The following FXYD6 variants were observed in gnomAD, a reference collection of about 807,000 sequenced individuals.
FXYD6 encodes the protein FXYD domain containing ion transport regulator 6.
Under a neutral mutation model 16.7 loss-of-function variants are expected in FXYD6, and 7 were observed. That is an observed-to-expected ratio of 0.42 (90% CI 0.24 to 0.79). The LOEUF is 0.79. Ranked by LOEUF, FXYD6 falls within the 30% of genes least tolerant of loss-of-function variation. The pLI, the probability that FXYD6 is intolerant of heterozygous loss-of-function variation, is 0.28. For missense variants in FXYD6, 111 were observed against 116.2 expected (o/e 0.95, Z 0.21); for synonymous variants, 49 against 43.0 (o/e 1.14, Z -0.54).
chr11:117,839,132 T>G (rs1339363308), intron 7 of FXYD6: 2 of 152,944 alleles, frequency 1.3e-5, no homozygotes, highest in Admixed American at 1.3e-4. Flanking sequence ...ACGGGGCTAT[T>G]CCCTCTCATC....
At chr11:117,847,061 C>T (rs1187070207) in intron 1 of FXYD6, among the ~76,000 whole-genome samples, 1 of 152,176 alleles carries the variant, frequency 6.6e-6, no homozygotes. Context: ...TCCATAAATG[C>T]TTTCATACAG....
chr11:117,861,463 C>T (rs1325370796), intron 1 of FXYD6, among the ~76,000 whole-genome samples: 2 of 152,188 alleles, frequency 1.3e-5, no homozygotes, highest in African/African-American at 4.8e-5. Context: ...CCACCCTTCC[C>T]GAGTCTGGCT....
intron 1 of FXYD6, among the ~76,000 whole-genome samples, chr11:117,858,705 C>CTT: frequency 1.1e-5 from 1 of 94,280 alleles, no homozygotes; most frequent in Non-Finnish European, 2.2e-5. Context: ...CTTTCTTTCT[C>CTT]TCTCTCTCTC....
At chr11:117,866,437 C>T (rs779230437) in intron 1 of FXYD6, among the ~76,000 whole-genome samples, 3 of 152,274 alleles carry the variant, frequency 2.0e-5, no homozygotes, top group East Asian at 3.9e-4. Flanking sequence ...GGAAGAATAA[C>T]CCAAAATACA....
intron 1 of FXYD6, among the ~76,000 whole-genome samples, chr11:117,863,766 A>G (rs1428247790): frequency 1.3e-5 from 2 of 152,212 alleles, no homozygotes; most frequent in African/African-American, 4.8e-5. Flanking sequence ...TCTGCAATGT[A>G]GCAGGACACA....
At chr11:117,859,837 C>T (rs180800499) in intron 1 of FXYD6, among the ~76,000 whole-genome samples, 173 of 152,246 alleles carry the variant, frequency 1.1e-3, no homozygotes, top group African/African-American at 3.8e-3. Context: ...ATTTTTAGTC[C>T]GGAGCTTCCC....
At chr11:117,845,884 C>CA (rs991011269) in intron 1 of FXYD6, among the ~76,000 whole-genome samples, 2 of 152,102 alleles carry the variant, frequency 1.3e-5, no homozygotes, top group African/African-American at 4.8e-5. Context: ...TGTTTCTTTA[C>CA]AAAAAACATT....
chr11:117,865,875 T>A (rs1215254557), intron 1 of FXYD6, among the ~76,000 whole-genome samples: 1 of 151,372 alleles, frequency 6.6e-6, no homozygotes, highest in East Asian at 2.0e-4. Context: ...TGCAGTGAGA[T>A]CGTGCCATTG....
In FXYD6 at chr11:117,849,258, T is replaced by C. The variant is rs572110315; in HGVS notation, c.-5-6477A>G. ...TCCTTACAATTTCTTGCTTTACCTA[T>C]GCATTAAGAAGTGTGTGTTTTAAAT... On this transcript the variant is annotated intron_variant, in intron 1 of 7. Transcript: ENST00000526014. 2.6e-5 allele frequency among the ~76,000 whole-genome samples: 4 copies of C among 152,348 alleles called. No individual in the cohort carries two copies. In the East Asian group the frequency reaches 5.8e-4, roughly 22 times the overall value.
At chr11:117,845,724 AG>A (rs1338043652) in intron 1 of FXYD6, among the ~76,000 whole-genome samples, 2 of 152,202 alleles carry the variant, frequency 1.3e-5, no homozygotes, top group African/African-American at 4.8e-5. Flanking sequence ...AAGAATTTTG[AG>A]GAAACAGTTT....
chr11:117,841,217 T>TGCTGGCTTG (rs1256288040), intron 4 of FXYD6, 33 bp from the exon 5 acceptor site: 15 of 1,613,952 alleles, frequency 9.3e-6, no homozygotes, highest in African/African-American at 1.3e-5. Flanking sequence ...AAGGTCATGC[T>TGCTGGCTTG]GCTGGCTTGG....
intron 1 of FXYD6, chr11:117,868,923 A>G (rs2057070250): frequency 6.6e-6 from 1 of 152,228 alleles, no homozygotes; most frequent in Non-Finnish European, 1.5e-5. Flanking sequence ...ATGAATCTGT[A>G]ACAGGAGCTG....
In FXYD6 at chr11:117,842,739, G is replaced by T; in HGVS notation, c.38C>A (p.Ala13Asp). 1 of 1,569,966 alleles carries T rather than the reference G, an allele frequency of 6.4e-7. No homozygotes were observed. Among genetic ancestry groups the T allele is most frequent in the Non-Finnish European group, 8.6e-7 (1 of 1,156,694 alleles). Residue 13 changes from alanine (A) to aspartate (D), a missense_variant, in exon 2 of 8, where the codon GCC (alanine) becomes GAC (aspartate). Coordinates refer to ENST00000526014, the MANE Select transcript of FXYD6 (RefSeq NM_022003.4). The stretch of plus-strand genomic sequence containing the variant: ...CTTACCACTGGCCAGGACCATGGGG[G>T]CCAGCAGGCTGCAGAGGAAGACCAG... Reference protein sequence around the residue: ...LVLVFLCSLLAPMVLASAAEK... With the variant: ...LVLVFLCSLLDPMVLASAAEK...
upstream of FXYD6, chr11:117,877,282 G>T (rs2057290750): frequency 6.6e-6 from 1 of 152,284 alleles, no homozygotes; most frequent in East Asian, 1.9e-4. Flanking sequence ...GTGGGGAGCT[G>T]GGGGGATGGT....
chr11:117,868,230 C>T (rs1040280817), intron 1 of FXYD6, among the ~76,000 whole-genome samples: 1 of 152,084 alleles, frequency 6.6e-6, no homozygotes. Context: ...ATGTTTGTCT[C>T]GAGGAGCGGA....
chr11:117,842,855 A>C, intron 1 of FXYD6, 74 bp from the exon 2 acceptor site: 1 of 1,493,050 alleles, frequency 6.7e-7, no homozygotes, highest in East Asian at 2.5e-5. Flanking sequence ...CGTCAGCCTG[A>C]CCAGGGGCCA....
intron 1 of FXYD6, among the ~76,000 whole-genome samples, chr11:117,855,863 T>G (rs2056714718): frequency 6.6e-6 from 1 of 152,188 alleles, no homozygotes. Flanking sequence ...CCTGGCTGCT[T>G]CACTCTCTTG....
chr11:117,863,982 G>T (rs1329686089), intron 1 of FXYD6, among the ~76,000 whole-genome samples: 2 of 152,138 alleles, frequency 1.3e-5, no homozygotes, highest in Non-Finnish European at 2.9e-5. Context: ...GTCCATGTTT[G>T]TAGATTGAAA....
rs1199774321 is a variant in FXYD6 at position 117,870,685 on chromosome 11, A to C, written c.-6+5907T>G. On this transcript the variant is annotated intron_variant, in intron 1 of 7. Coordinates refer to ENST00000526014, the MANE Select transcript of FXYD6 (RefSeq NM_022003.4). The surrounding 1 kb of genome is among the most constrained non-coding windows in gnomAD (Gnocchi z 4.2). ...CTGACCCACGGGCCTGGATACCCAG[A>C]AATGTGCCCTGCCTTTAGAGGAGGG... 6.6e-6 allele frequency among the ~76,000 whole-genome samples: 1 copy of C among 152,214 alleles called. No homozygotes were observed. Among genetic ancestry groups the C allele is most frequent in the African/African-American group, 2.4e-5 (1 of 41,450 alleles).
Sources: gnomAD v4.1 joint callset for allele counts (sites outside exome capture counted in the v4.1 genomes callset) on GRCh38, gnomAD v4.1.1 for gene constraint, Gnocchi (gnomAD v3.1) non-coding constraint, MANE v1.5 for transcripts, NCBI Gene and HGNC (gene_info 2026-07-23, HGNC 2026-07-21) for gene names.